Variants in CELF2 observed in about 807,000 individuals in gnomAD.
CELF2 encodes the protein CUGBP Elav-like family member 2.
A neutral mutation model predicts 62.6 loss-of-function variants in CELF2; 8 were observed. That is an observed-to-expected ratio of 0.13 (90% confidence interval 0.07 to 0.23). The LOEUF is 0.23. Among genes scored for constraint, CELF2 ranks in the 10% least tolerant of loss-of-function variants. The probability of loss-of-function intolerance (pLI) is 1.00; values close to 1 mark genes in which losing one functional copy is unlikely to be tolerated. For missense variants in CELF2, 333 were observed against 671.0 expected, an observed-to-expected ratio of 0.50 and a Z score of 5.56; for synonymous variants, 258 against 250.0, an observed-to-expected ratio of 1.03 and a Z score of -0.30.
chr10:10,983,371 C>A lies in CELF2; in HGVS notation c.89+63372C>A, dbSNP rs973097038. 1.3e-5 allele frequency among the ~76,000 whole-genome samples: 2 copies of A among 152,096 alleles called. No individual in the cohort carries two copies. Among genetic ancestry groups the A allele is most frequent in the African/African-American group, 4.8e-5 (2 of 41,410 alleles). The stretch of plus-strand genomic sequence containing the variant: ...TAAGTTGATACATATCTTCCCTAAC[C>A]TGTTTACTTGATTGAATTGATTAGG... On this transcript the variant is annotated intron_variant, in intron 2 of 13. Coordinates refer to the CELF2 transcript ENST00000636488. The surrounding 1 kb of genome is among the most constrained non-coding windows in gnomAD (Gnocchi z 5.2).
At chr10:10,473,684 T>A in the CELF2 span, among the ~76,000 whole-genome samples, 2 of 152,046 alleles carry the variant, frequency 1.3e-5, no homozygotes, top group Non-Finnish European at 2.9e-5. Flanking sequence ...ATGCCTATGG[T>A]TAACCATTAT....
chr10:11,330,202 C>G lies in CELF2; in HGVS notation c.*1149C>G, dbSNP rs1489639283. On this transcript the variant is annotated 3_prime_UTR_variant, in exon 13 of 13. Transcript: ENST00000633077. This position sits in a 1 kb window ranked among gnomAD's most constrained non-coding sequence, Gnocchi z 4.5. Reference sequence around the variant, plus strand: ...TCCCCGTATGTCACATTTGTTGAAACTGGACCTTCTCCCCCTGTCCCTCAC... The same window carrying G: ...TCCCCGTATGTCACATTTGTTGAAAGTGGACCTTCTCCCCCTGTCCCTCAC... The G allele has an allele frequency of 1.3e-5, 2 of 152,636 alleles. No individual in the cohort carries two copies. The highest frequency in any genetic ancestry group is 2.4e-5 in the African/African-American group (1 of 41,438). 9.5% of individuals were successfully genotyped at this position (152,636 alleles called of 1,614,324 possible).
At chr10:10,870,071 GC>G (rs2060639434) in intron 1 of CELF2, among the ~76,000 whole-genome samples, 1 of 152,066 alleles carries the variant, frequency 6.6e-6, no homozygotes, top group African/African-American at 2.4e-5. Context: ...GAACTTACTT[GC>G]AAAGAAATAG....
Position 11,086,601 on chromosome 10 carries a change from A to AC in CELF2, c.74+68438_74+68439insC, listed in dbSNP as rs1405936547. On this transcript the variant is annotated intron_variant, in intron 1 of 12. Transcript: ENST00000633077. ...GTTAAAAAAAAAAAAAAAAAAAAAA[A>AC]AAAAAAAAACTCCCGACAGCACCAG... is the stretch of plus-strand genomic sequence containing the variant. Among the ~76,000 whole-genome samples the AC allele has an allele frequency of 5.7e-5, 8 of 140,796 alleles. 1 individual carries two copies. Among genetic ancestry groups the AC allele is most frequent in the Admixed American group, 2.7e-4 (4 of 14,578 alleles). 92.4% of individuals were successfully genotyped at this position (140,796 alleles called of 152,430 possible).
At chr10:10,595,211 C>T in the CELF2 span, among the ~76,000 whole-genome samples, 4 of 152,154 alleles carry the variant, frequency 2.6e-5, no homozygotes, top group Non-Finnish European at 4.4e-5. Flanking sequence ...AATTTCAGGA[C>T]ATGCACAAGC....
At position 11,141,303 on chromosome 10, in the gene CELF2, G is replaced by T. The variant is rs17149625; in HGVS notation, c.75-24183G>T. On this transcript the variant is annotated intron_variant, in intron 1 of 12. Transcript: ENST00000633077. ...TTGGCAAAAGGAATAAAGGCAAGGG[G>T]CAGTCCCCACGATGGAGGACATTGG... Among the ~76,000 whole-genome samples the T allele has an allele frequency of 1.9e-3, 291 of 152,320 alleles. 3 individuals are homozygous for T. Among genetic ancestry groups the T allele is most frequent in the African/African-American group, 6.8e-3 (283 of 41,570 alleles).
the CELF2 span, among the ~76,000 whole-genome samples, chr10:10,684,097 A>G: frequency 6.6e-6 from 1 of 152,186 alleles, no homozygotes; most frequent in Non-Finnish European, 1.5e-5. Flanking sequence ...TTTACATATC[A>G]CAGGGATTCC....
chr10:11,285,851 G>A lies in CELF2; in HGVS notation c.842-2567G>A, dbSNP rs1241654715. ...GGTGTGTGTGTGTGTGTGTGTGTGT[G>A]TGTGTGTGTGTGTGTGTGTGTGTGT... is the stretch of plus-strand genomic sequence containing the variant. On this transcript the variant is annotated intron_variant, in intron 8 of 12. Transcript: ENST00000633077. This position sits in a 1 kb window ranked among gnomAD's most constrained non-coding sequence, Gnocchi z 4.3. Among the ~76,000 whole-genome samples, 1 of 139,842 alleles carries A rather than the reference G, an allele frequency of 7.2e-6. No individual in the cohort carries two copies. The highest frequency in any genetic ancestry group is 3.1e-5 in the African/African-American group (1 of 32,012). The allele number at this position is 139,842 out of a possible 152,430, so 91.7% of individuals were successfully genotyped here.
At chr10:10,657,142 A>C in the CELF2 span, among the ~76,000 whole-genome samples, 8 of 152,304 alleles carry the variant, frequency 5.3e-5, no homozygotes, top group African/African-American at 1.9e-4. Context: ...AAGTTAAAGA[A>C]GAAGTCAGAC....
the CELF2 span, among the ~76,000 whole-genome samples, chr10:10,624,787 G>C: frequency 6.6e-6 from 1 of 152,148 alleles, no homozygotes; most frequent in Non-Finnish European, 1.5e-5. Flanking sequence ...CAAGATTTCT[G>C]AGAGAAATTC....
At chr10:10,567,262 A>G in the CELF2 span, among the ~76,000 whole-genome samples, 14 of 152,226 alleles carry the variant, frequency 9.2e-5, no homozygotes, top group African/African-American at 1.2e-4. Context: ...ATCGTGTTAC[A>G]CTTCCAACAA....
chr10:11,017,975 G>C lies in CELF2; in HGVS notation c.-115G>C, dbSNP rs933234669. The C allele has an allele frequency of 3.0e-6, 3 of 989,550 alleles. No homozygotes were observed. The highest frequency in any genetic ancestry group is 3.6e-6 in the Non-Finnish European group (3 of 834,090). 61.3% of individuals were successfully genotyped at this position (989,550 alleles called of 1,614,324 possible). A position where few individuals can be genotyped will look rare whatever the true frequency, so the allele number is the denominator to read the frequency against. On this transcript the variant is annotated 5_prime_UTR_variant, in exon 1 of 13. Coordinates refer to ENST00000633077, the MANE Select transcript of CELF2 (RefSeq NM_001326342.2). The surrounding 1 kb of genome is among the most constrained non-coding windows in gnomAD (Gnocchi z 5.5). ...GAGAGAATGTGACAAGTGCCGGCTCGGCGGCCGCCGGGGGAGGCCGCGCGC... is the reference window on the plus strand; with the variant it reads ...GAGAGAATGTGACAAGTGCCGGCTCCGCGGCCGCCGGGGGAGGCCGCGCGC...
At chr10:10,880,270 G>A (rs2133641909) in intron 1 of CELF2, among the ~76,000 whole-genome samples, 1 of 152,262 alleles carries the variant, frequency 6.6e-6, no homozygotes, top group Admixed American at 6.5e-5. Context: ...TTGGGCTTGG[G>A]AAGACTTAGA....
chr10:11,300,779 C>G lies in CELF2; in HGVS notation c.976+12227C>G, dbSNP rs1056395842. The stretch of plus-strand genomic sequence containing the variant: ...AGCTCGTTTGAGGCAAAACGGCGAC[C>G]GCGGGCTCCAGTGTCCTGAGTATGT... On this transcript the variant is annotated intron_variant, in intron 9 of 12. Coordinates refer to ENST00000633077, the MANE Select transcript of CELF2 (RefSeq NM_001326342.2). This position sits in a 1 kb window ranked among gnomAD's most constrained non-coding sequence, Gnocchi z 5.5. Among the ~76,000 whole-genome samples, 1 of 152,150 alleles carries G rather than the reference C, an allele frequency of 6.6e-6. No individual in the cohort carries two copies. The highest frequency in any genetic ancestry group is 2.4e-5 in the African/African-American group (1 of 41,422).
chr10:11,118,798 T>G (rs2057113600), intron 1 of CELF2, among the ~76,000 whole-genome samples: 1 of 152,214 alleles, frequency 6.6e-6, no homozygotes, highest in African/African-American at 2.4e-5. Flanking sequence ...CAGGAGTCAC[T>G]TCTCTTGTCC....
chr10:11,071,532 C>G (rs2070002033), intron 1 of CELF2: 1 of 152,144 alleles, frequency 6.6e-6, no homozygotes, highest in Non-Finnish European at 1.5e-5. Context: ...AACTGCCTTT[C>G]ACAAGAGATT....
At chr10:10,653,141 G>C in the CELF2 span, among the ~76,000 whole-genome samples, 1 of 152,154 alleles carries the variant, frequency 6.6e-6, no homozygotes, top group Non-Finnish European at 1.5e-5. Context: ...TAATGGTAAA[G>C]GGATCAATTC....
chr10:10,669,769 A>C, the CELF2 span, among the ~76,000 whole-genome samples: 1 of 152,178 alleles, frequency 6.6e-6, no homozygotes. Context: ...TTCACAAGAT[A>C]TTATTCCCTG....
chr10:10,787,756 C>G, the CELF2 span, among the ~76,000 whole-genome samples: 1 of 152,044 alleles, frequency 6.6e-6, no homozygotes, highest in Non-Finnish European at 1.5e-5. Flanking sequence ...TTTCCTAGAT[C>G]GAGTACTGCA....
Sources: gnomAD v4.1 joint callset for allele counts (sites outside exome capture counted in the v4.1 genomes callset) on GRCh38, gnomAD v4.1.1 for gene constraint, Gnocchi (gnomAD v3.1) non-coding constraint, MANE v1.5 for transcripts, NCBI Gene and HGNC (gene_info 2026-07-23, HGNC 2026-07-21) for gene names.